MICAL3: variants seen among roughly 807,000 people sequenced by gnomAD.
The protein encoded by MICAL3 is microtubule associated monooxygenase, calponin and LIM domain containing 3.
MICAL3 carries 62 observed loss-of-function variants against 207.4 expected under a neutral mutation model. That is an observed-to-expected ratio of 0.30 (90% CI 0.24 to 0.37). The LOEUF (loss-of-function observed/expected upper bound fraction) is 0.37. MICAL3 is among the 10% of genes least tolerant of loss of function. The pLI is 1.00. For synonymous variants in MICAL3, 1,077 were observed against 1,069.3 expected, an observed-to-expected ratio of 1.01 and a Z score of -0.14; for missense variants, 2,368 against 2,635.6, an observed-to-expected ratio of 0.90 and a Z score of 2.22.
intron 1 of MICAL3, among the ~76,000 whole-genome samples, chr22:18,013,408 G>A (rs374598584): frequency 5.3e-5 from 8 of 152,314 alleles, no homozygotes; most frequent in South Asian, 2.1e-4. Context: ...TTTTAGTACA[G>A]GTAGCTGAGC....
chr22:17,876,743 G>C (rs1358050383), intron 16 of MICAL3: 1 of 150,128 alleles, frequency 6.7e-6, no homozygotes, highest in African/African-American at 2.5e-5. Flanking sequence ...AGCTTATGGA[G>C]GTTAGGGAGG....
At chr22:17,846,622 C>T (rs888607878) in intron 19 of MICAL3, among the ~76,000 whole-genome samples, 50 of 152,184 alleles carry the variant, frequency 3.3e-4, no homozygotes, top group Admixed American at 1.6e-3. Flanking sequence ...TGTAAACAAG[C>T]GCTTTGCAAG....
chr22:17,927,189 CTCTGTG>C (rs1449788306), intron 1 of MICAL3, among the ~76,000 whole-genome samples: 1 of 152,178 alleles, frequency 6.6e-6, no homozygotes, highest in Non-Finnish European at 1.5e-5. Flanking sequence ...GTATTTGTCT[CTCTGTG>C]TCTGGCTTAT....
At chr22:17,849,688 ATTTTTTTT>A (rs57344653) in intron 19 of MICAL3, among the ~76,000 whole-genome samples, 10 of 36,280 alleles carry the variant, frequency 2.8e-4, no homozygotes, top group East Asian at 9.9e-4. Flanking sequence ...GTGTGTGTGT[ATTTTTTTT>A]TTTTTTTTTT....
At chr22:18,013,655 G>A (rs1372447810) in intron 1 of MICAL3, among the ~76,000 whole-genome samples, 2 of 152,214 alleles carry the variant, frequency 1.3e-5, no homozygotes, top group Non-Finnish European at 2.9e-5. Context: ...ACATGGCCTA[G>A]GGTATGTGCT....
intron 1 of MICAL3, among the ~76,000 whole-genome samples, chr22:17,981,905 C>A (rs1333311095): frequency 2.6e-5 from 4 of 152,060 alleles, no homozygotes; most frequent in African/African-American, 9.7e-5. Flanking sequence ...GAGTTGGAGA[C>A]CAGCCTTGGT....
intron 28 of MICAL3, among the ~76,000 whole-genome samples, chr22:17,810,220 G>A (rs1461160045): frequency 1.3e-5 from 2 of 152,002 alleles, no homozygotes; most frequent in East Asian, 1.9e-4. Flanking sequence ...TTGCCACCAC[G>A]CCTGGCTAAT....
At chr22:17,940,980 C>A (rs896664995) in intron 1 of MICAL3, among the ~76,000 whole-genome samples, 1 of 152,142 alleles carries the variant, frequency 6.6e-6, no homozygotes, top group African/African-American at 2.4e-5. Flanking sequence ...AAGAAAGCAC[C>A]AGACACCCAG....
At chr22:17,839,657 T>A (rs1923798835) in intron 20 of MICAL3, 1 of 150,092 alleles carries the variant, frequency 6.7e-6, no homozygotes, top group Non-Finnish European at 1.5e-5. Context: ...ACCTCTGCCT[T>A]CTGGGTTCCA....
chr22:17,914,760 T>C (rs1390042445), intron 1 of MICAL3, among the ~76,000 whole-genome samples: 3 of 152,204 alleles, frequency 2.0e-5, no homozygotes, highest in African/African-American at 7.2e-5. Flanking sequence ...TCACAGTAAT[T>C]CTTCTTACTG....
chr22:17,850,396 A>G (rs1602051469), intron 19 of MICAL3, among the ~76,000 whole-genome samples: 2 of 113,156 alleles, frequency 1.8e-5, no homozygotes, highest in South Asian at 5.2e-4. Context: ...TTGCTTTTGA[A>G]TTAGTTTTTT....
chr22:17,867,317 G>A (rs1034938004), intron 17 of MICAL3, among the ~76,000 whole-genome samples: 1 of 152,198 alleles, frequency 6.6e-6, no homozygotes. Context: ...CCAAAAGTCC[G>A]CCAGTCTTAC....
intron 16 of MICAL3, chr22:17,872,878 G>A: frequency 7.0e-7 from 1 of 1,420,460 alleles, no homozygotes. Context: ...ATTACAAAAT[G>A]ACCAGAATGA....
chr22:17,911,333 TAGAAAAAAAAAA>T (rs1043260852), intron 1 of MICAL3, among the ~76,000 whole-genome samples: 1 of 117,200 alleles, frequency 8.5e-6, no homozygotes, highest in Non-Finnish European at 1.8e-5. Context: ...TGTTTAAAAA[TAGAAAAAAAAAA>T]AGAAACAAAA....
At chr22:17,901,540 CGCGCCT>C (rs1404856524) in intron 5 of MICAL3, among the ~76,000 whole-genome samples, 2 of 152,104 alleles carry the variant, frequency 1.3e-5, no homozygotes, top group Non-Finnish European at 2.9e-5. Context: ...TATGGTGGCA[CGCGCCT>C]GTAGTCCCAG....
intron 1 of MICAL3, among the ~76,000 whole-genome samples, chr22:17,913,108 A>G (rs1315049834): frequency 7.1e-6 from 1 of 141,374 alleles, no homozygotes; most frequent in East Asian, 1.9e-4. Context: ...TCAAGCTGAC[A>G]CTCAGCAGGA....
intron 16 of MICAL3, among the ~76,000 whole-genome samples, chr22:17,872,329 T>C (rs1309861062): frequency 6.6e-6 from 1 of 151,932 alleles, no homozygotes; most frequent in Non-Finnish European, 1.5e-5. Context: ...AATGCTATGA[T>C]ACAGCCTGGC....
intron 1 of MICAL3, among the ~76,000 whole-genome samples, chr22:17,951,049 G>A (rs1446570210): frequency 6.6e-6 from 1 of 152,210 alleles, no homozygotes; most frequent in African/African-American, 2.4e-5. Context: ...CCAAAGCACT[G>A]CTCTCTCCAA....
chr22:17,814,039 C>T (rs571025339), intron 27 of MICAL3: 1 of 152,224 alleles, frequency 6.6e-6, no homozygotes, highest in South Asian at 2.1e-4. Flanking sequence ...AAGTTTATAA[C>T]AAAACAAAAC....
Sources: gnomAD v4.1 joint callset for allele counts (sites outside exome capture counted in the v4.1 genomes callset) on GRCh38, gnomAD v4.1.1 for gene constraint, MANE v1.5 for transcripts, NCBI Gene and HGNC (gene_info 2026-07-23, HGNC 2026-07-21) for gene names.